The following CACHD1 variants were observed in gnomAD, a reference collection of about 807,000 sequenced individuals.
CACHD1 encodes cache domain containing 1.
In CACHD1, 71 loss-of-function variants were observed where a neutral mutation model predicts 138.7. The ratio of observed to expected loss-of-function variants is 0.51; its 90% CI spans 0.42 to 0.62. CACHD1 has a LOEUF of 0.62. Ranked by LOEUF, CACHD1 falls within the 20% of genes least tolerant of loss-of-function variation. CACHD1 has a pLI of 0.00. For missense variants in CACHD1, 1,389 were observed against 1,625.3 expected (o/e 0.85, Z 2.50); for synonymous variants, 578 against 591.5 (o/e 0.98, Z 0.33).
At chr1:64,605,360 T>C (rs776650270) in intron 4 of CACHD1, among the ~76,000 whole-genome samples, 2 of 152,206 alleles carry the variant, frequency 1.3e-5, no homozygotes, top group Admixed American at 1.3e-4. Context: ...TAAATGTTAA[T>C]AGTTATTTTT....
chr1:64,492,981 G>A (rs906697686), intron 1 of CACHD1, among the ~76,000 whole-genome samples: 2 of 152,312 alleles, frequency 1.3e-5, no homozygotes, highest in Admixed American at 6.5e-5. Flanking sequence ...CCAAAACTAG[G>A]CCCTCAGTAA....
chr1:64,656,670 C>T (rs1329456969), intron 12 of CACHD1, among the ~76,000 whole-genome samples: 3 of 151,710 alleles, frequency 2.0e-5, no homozygotes, highest in Non-Finnish European at 4.4e-5. Context: ...TAGGCAAATT[C>T]GAGGTAGTAA....
In CACHD1 at chr1:64,568,990, C is replaced by G. The variant is rs112155317; in HGVS notation, c.262-13166C>G. 7.5e-3 allele frequency among the ~76,000 whole-genome samples: 1,138 copies of G among 152,252 alleles called. 6 individuals are homozygous for G. The highest frequency in any genetic ancestry group is 0.012 in the Non-Finnish European group (785 of 68,014). ...AAGCTGGAGTGCAATGGCGTGATCT[C>G]ATCTCACCACAACCTCCGCCTCCTG... On this transcript the variant is annotated intron_variant, in intron 2 of 26. Coordinates refer to ENST00000651257, the MANE Select transcript of CACHD1 (RefSeq NM_020925.4).
chr1:64,646,014 A>G (rs1402134786), intron 8 of CACHD1, among the ~76,000 whole-genome samples: 7 of 152,120 alleles, frequency 4.6e-5, no homozygotes, highest in Admixed American at 4.6e-4. Flanking sequence ...CAGCCACCCT[A>G]CTGACCTTCC....
At chr1:64,635,072 T>A (rs1372897689) in intron 7 of CACHD1, among the ~76,000 whole-genome samples, 1 of 151,482 alleles carries the variant, frequency 6.6e-6, no homozygotes, top group African/African-American at 2.4e-5. Flanking sequence ...TTATAGAGTG[T>A]TAACTGCGTT....
At chr1:64,588,415 C>T (rs1046538176) in intron 3 of CACHD1, among the ~76,000 whole-genome samples, 2 of 144,732 alleles carry the variant, frequency 1.4e-5, no homozygotes, top group African/African-American at 5.4e-5. Context: ...ATAAACAAAT[C>T]AATACTTTTT....
chr1:64,680,514 G>T (rs913420688), intron 24 of CACHD1, among the ~76,000 whole-genome samples: 1 of 151,870 alleles, frequency 6.6e-6, no homozygotes, highest in Non-Finnish European at 1.5e-5. Flanking sequence ...TCGAAGCCAA[G>T]TACAAAATGA....
At chr1:64,643,063 A>G (rs1349796023) in intron 8 of CACHD1, among the ~76,000 whole-genome samples, 1 of 145,518 alleles carries the variant, frequency 6.9e-6, no homozygotes, top group Non-Finnish European at 1.5e-5. Context: ...AAAAAAAAAA[A>G]AAAAAAAAGC....
At chr1:64,518,067 T>C (rs1490636454) in intron 1 of CACHD1, among the ~76,000 whole-genome samples, 1 of 152,192 alleles carries the variant, frequency 6.6e-6, no homozygotes, top group African/African-American at 2.4e-5. Context: ...TTGTAGAGGA[T>C]CCTGGGAGGT....
chr1:64,668,455 T>C (rs1025171641), intron 16 of CACHD1, among the ~76,000 whole-genome samples: 5 of 151,894 alleles, frequency 3.3e-5, no homozygotes, highest in Non-Finnish European at 5.9e-5. Context: ...GAGGCGGAGG[T>C]TGCAGTGAGC....
intron 1 of CACHD1, among the ~76,000 whole-genome samples, chr1:64,549,802 TTA>T (rs1557488045): frequency 2.2e-4 from 33 of 148,850 alleles, no homozygotes; most frequent in Non-Finnish European, 2.2e-4. Flanking sequence ...TTTATTTTTT[TTA>T]TTTTTTTGCT....
At chr1:64,499,084 C>T (rs1646323417) in intron 1 of CACHD1, among the ~76,000 whole-genome samples, 1 of 152,146 alleles carries the variant, frequency 6.6e-6, no homozygotes, top group African/African-American at 2.4e-5. Flanking sequence ...TCCAGCATCT[C>T]GTATCAGCAA....
chr1:64,549,772 A>G (rs1646744516), intron 1 of CACHD1, among the ~76,000 whole-genome samples: 1 of 151,824 alleles, frequency 6.6e-6, no homozygotes, highest in African/African-American at 2.4e-5. Flanking sequence ...TTGAAGATAA[A>G]TGATAAGGCT....
chr1:64,672,153 C>G (rs1425834606), intron 17 of CACHD1, among the ~76,000 whole-genome samples: 1 of 152,192 alleles, frequency 6.6e-6, no homozygotes, highest in African/African-American at 2.4e-5. Flanking sequence ...AAGAACTTGT[C>G]TGATCAAAGC....
intron 2 of CACHD1, among the ~76,000 whole-genome samples, chr1:64,576,018 TC>T (rs1366612192): frequency 6.6e-6 from 1 of 152,172 alleles, no homozygotes; most frequent in African/African-American, 2.4e-5. Flanking sequence ...CAAATTAGAA[TC>T]CGTTCCCATG....
chr1:64,621,117 T>C (rs139278972), intron 4 of CACHD1, among the ~76,000 whole-genome samples: 1 of 152,324 alleles, frequency 6.6e-6, no homozygotes, highest in East Asian at 1.9e-4. Context: ...CTTAAAATGG[T>C]AAATACTTGA....
chr1:64,683,899 C>T (rs914562370), intron 26 of CACHD1, among the ~76,000 whole-genome samples: 3 of 152,202 alleles, frequency 2.0e-5, no homozygotes, highest in African/African-American at 7.2e-5. Flanking sequence ...AAGCTACATA[C>T]ACCCATTAAA....
chr1:64,507,443 G>C (rs1231933766), intron 1 of CACHD1, among the ~76,000 whole-genome samples: 1 of 152,214 alleles, frequency 6.6e-6, no homozygotes, highest in East Asian at 1.9e-4. Context: ...CCTGGTTAAT[G>C]TTGAGATGAA....
At chr1:64,687,542 T>TGG (rs1292981665) in intron 26 of CACHD1, among the ~76,000 whole-genome samples, 2 of 152,098 alleles carry the variant, frequency 1.3e-5, no homozygotes, top group Non-Finnish European at 2.9e-5. Context: ...GATGAAGAGA[T>TGG]GGGTGCCCTC....
Sources: allele counts gnomAD v4.1 joint callset (sites outside exome capture counted in the v4.1 genomes callset), GRCh38; gene constraint gnomAD v4.1.1; transcripts MANE v1.5; gene names NCBI Gene and HGNC (gene_info 2026-07-23, HGNC 2026-07-21).